The following SLC15A4 variants were observed in gnomAD, a reference collection of about 807,000 sequenced individuals.
SLC15A4 encodes solute carrier family 15 member 4.
A neutral mutation model predicts 46.1 loss-of-function variants in SLC15A4; 26 were observed. The ratio of observed to expected loss-of-function variants is 0.56; its 90% CI spans 0.41 to 0.78. The LOEUF is 0.78. SLC15A4 is among the 30% of genes least tolerant of loss of function. SLC15A4 has a pLI of 0.00. For synonymous variants in SLC15A4, 370 were observed against 333.4 expected, an observed-to-expected ratio of 1.11 and a Z score of -1.20; for missense variants, 751 against 755.7, an observed-to-expected ratio of 0.99 and a Z score of 0.07.
chr12:128,812,963 G>GT (rs1566054186), intron 2 of SLC15A4, among the ~76,000 whole-genome samples: 6 of 152,128 alleles, frequency 3.9e-5, no homozygotes, highest in Non-Finnish European at 2.9e-5. Context: ...CTAAGTAAAA[G>GT]TAACTCCAAA....
In SLC15A4 at chr12:128,809,462, T is replaced by A; in HGVS notation, c.1023A>T (p.Thr341=). Residue 341 remains threonine, a synonymous_variant, in exon 4 of 8, where the codon ACA becomes ACT. Coordinates refer to ENST00000266771, the MANE Select transcript of SLC15A4 (RefSeq NM_145648.4). ...TCAAATGAAGACTCTGTAAAACATA[T>A]GTTGTCTGCATCTAGGTATAAAAAA... ...YWTVYFQMQT[T]YVLQSLHLRI... 6.2e-7 allele frequency: 1 copy of A among 1,606,640 alleles called. No individual in the cohort carries two copies. The highest frequency in any genetic ancestry group is 8.5e-7 in the Non-Finnish European group (1 of 1,176,232).
At position 128,823,331 on chromosome 12, in the gene SLC15A4, G is replaced by C. The variant is rs1239365399; in HGVS notation, c.546+67C>G. On this transcript the variant is annotated intron_variant, in intron 1 of 7. Transcript: ENST00000266771. Reference sequence around the variant, plus strand: ...GCGGTCAGAGGCAGGGACTGGGGCAGGGGAAGAGGCTGGGGCTGGGCAGGG... The same window carrying C: ...GCGGTCAGAGGCAGGGACTGGGGCACGGGAAGAGGCTGGGGCTGGGCAGGG... The C allele has an allele frequency of 2.1e-5, 28 of 1,310,220 alleles. No individual in the cohort carries two copies. In the East Asian group the frequency reaches 8.4e-4, roughly 39 times the overall value. The allele number at this position is 1,310,220 out of a possible 1,614,324, so 81.2% of individuals were successfully genotyped here. A position where few individuals can be genotyped will look rare whatever the true frequency, so the allele number is the denominator to read the frequency against.
intron 1 of SLC15A4, among the ~76,000 whole-genome samples, chr12:128,816,815 G>C (rs1341756758): frequency 2.0e-5 from 3 of 152,136 alleles, no homozygotes; most frequent in Non-Finnish European, 4.4e-5. Context: ...AGCGACAGAG[G>C]CCCTGTCTCA....
chr12:128,806,277 C>T (rs1342472585), intron 5 of SLC15A4, among the ~76,000 whole-genome samples: 2 of 151,894 alleles, frequency 1.3e-5, no homozygotes, highest in Non-Finnish European at 2.9e-5. Context: ...AAACCATGAC[C>T]CACCTAAGAT....
chr12:128,803,322 G>A (rs975753818), intron 5 of SLC15A4, among the ~76,000 whole-genome samples: 3 of 152,166 alleles, frequency 2.0e-5, no homozygotes, highest in African/African-American at 7.2e-5. Flanking sequence ...ACCAAGAAGA[G>A]AGAAAAAGAA....
chr12:128,816,273 A>G (rs902802509), intron 1 of SLC15A4, among the ~76,000 whole-genome samples: 5 of 152,242 alleles, frequency 3.3e-5, no homozygotes, highest in African/African-American at 9.6e-5. Flanking sequence ...ACGTCTAAAT[A>G]AGATACTGTG....
chr12:128,821,265 C>T (rs1200169859), intron 1 of SLC15A4, among the ~76,000 whole-genome samples: 26 of 152,222 alleles, frequency 1.7e-4, no homozygotes. Flanking sequence ...CCATCCACTT[C>T]ACCCACCTCC....
In SLC15A4 at chr12:128,796,429, C is replaced by CAAAAAAAAAA. The variant is rs57014966; in HGVS notation, c.1574-2083_1574-2074dup. Among the ~76,000 whole-genome samples, 185 of 33,924 alleles carry CAAAAAAAAAA rather than the reference C, an allele frequency of 5.5e-3. 7 individuals carry two copies. The highest frequency in any genetic ancestry group is 0.017 in the South Asian group (8 of 478). 22.3% of individuals were successfully genotyped at this position (33,924 alleles called of 152,430 possible). A position where few individuals can be genotyped will look rare whatever the true frequency, so the allele number is the denominator to read the frequency against. ...GGGCAACAAACGTGAAACTCCATCTCAAAAAAAAAAAAAAAAAAAAAAAAA... is the reference window on the plus strand; with the variant it reads ...GGGCAACAAACGTGAAACTCCATCTCAAAAAAAAAAAAAAAAAAAAAAAAAAAAAAAAAAA... On this transcript the variant is annotated intron_variant, in intron 7 of 7. Coordinates refer to ENST00000266771, the MANE Select transcript of SLC15A4 (RefSeq NM_145648.4).
chr12:128,810,088 T>G lies in SLC15A4; in HGVS notation c.866A>C (p.Gln289Pro). The G allele has an allele frequency of 1.9e-6, 3 of 1,613,776 alleles. No homozygotes were observed. The highest frequency in any genetic ancestry group is 1.7e-6 in the Non-Finnish European group (2 of 1,179,936). ...ATCAAACAGACTTTGTTTAGAAGAT[T>G]GCTGAAAGACTCCAATGCCTTCACT... The part of the protein sequence containing the change: ...SNGEGIGVFQ[Q>P]SSKQSLFDSC... Residue 289 changes from glutamine (Q) to proline (P), a missense_variant, in exon 3 of 8, where the codon CAA becomes CCA. Coordinates refer to ENST00000266771, the MANE Select transcript of SLC15A4 (RefSeq NM_145648.4).
intron 1 of SLC15A4, among the ~76,000 whole-genome samples, chr12:128,822,319 TA>T (rs1156776733): frequency 6.6e-6 from 1 of 152,128 alleles, no homozygotes; most frequent in African/African-American, 2.4e-5. Flanking sequence ...ACCTAGCCCG[TA>T]ACTCCTTTAA....
chr12:128,793,835 G>A lies in SLC15A4; in HGVS notation c.*361C>T, dbSNP rs1176430958. ...CTATGGGAAGCAGGTGATACTATTT[G>A]TTTAAGAAACTGGGATGCCAACTAA... On this transcript the variant is annotated 3_prime_UTR_variant, in exon 8 of 8. Transcript: ENST00000266771. 3 of 171,844 alleles carry A rather than the reference G, an allele frequency of 1.7e-5. No individual in the cohort carries two copies. The highest frequency in any genetic ancestry group is 3.6e-5 in the Non-Finnish European group (3 of 82,462). 10.6% of individuals were successfully genotyped at this position (171,844 alleles called of 1,614,324 possible).
At chr12:128,800,792 G>C in intron 6 of SLC15A4, 62 bp downstream of exon 6, 1 of 1,510,104 alleles carries the variant, frequency 6.6e-7, no homozygotes, top group Non-Finnish European at 8.9e-7. Flanking sequence ...AGCACAGTCA[G>C]AATGCCCGAG....
intron 4 of SLC15A4, 111 bp from the exon 5 acceptor site, chr12:128,809,067 A>C (rs1955622684): frequency 1.0e-6 from 1 of 960,398 alleles, no homozygotes; most frequent in Admixed American, 2.6e-5. Context: ...GTTCCTCTCC[A>C]CAAGGTACAA....
chr12:128,815,045 G>A lies in SLC15A4; in HGVS notation c.572C>T (p.Thr191Ile). The A allele has an allele frequency of 6.2e-7, 1 of 1,610,558 alleles. No individual in the cohort carries two copies. Among genetic ancestry groups the A allele is most frequent in the East Asian group, 2.2e-5 (1 of 44,766 alleles). Residue 191 changes from threonine (T) to isoleucine (I), a missense_variant, in exon 2 of 8, where the codon ACT becomes ATT. Transcript: ENST00000266771. Reference sequence around the variant, plus strand: ...ATAAAACCAATTAAAAAATCTCCTAGTGGCTTCCGGACCTCGATCTTTAAC... The same window carrying A: ...ATAAAACCAATTAAAAAATCTCCTAATGGCTTCCGGACCTCGATCTTTAAC... ...DQVKDRGPEATRRFFNWFYWS... is the reference protein window; with the variant it reads ...DQVKDRGPEAIRRFFNWFYWS...
Position 128,814,895 on chromosome 12 carries a change from A to G in SLC15A4, c.722T>C (p.Leu241Pro), listed in dbSNP as rs767512302. Residue 241 changes from leucine (L) to proline (P), a missense_variant, in exon 2 of 8, where the codon CTC (leucine) becomes CCC (proline). By Grantham distance (98) the Leu-to-Pro change is moderately conservative. Coordinates refer to ENST00000266771, the MANE Select transcript of SLC15A4 (RefSeq NM_145648.4). ...VCVGLAFVVF[L>P]CGQSVFITKP... ...GGTGATGAAAACGCTCTGGCCACAG[A>G]GGAAGACCACAAAAGCAAGGCCGAC... 6.2e-7 allele frequency: 1 copy of G among 1,614,102 alleles called. No homozygotes were observed. Among genetic ancestry groups the G allele is most frequent in the Non-Finnish European group, 8.5e-7 (1 of 1,180,050 alleles).
At chr12:128,814,549 G>A (rs978546790) in intron 2 of SLC15A4, 4 of 524,204 alleles carry the variant, frequency 7.6e-6, no homozygotes, top group African/African-American at 3.8e-5. Context: ...GCAACGTGGG[G>A]TTAAAGCATG....
intron 2 of SLC15A4, 100 bp from the exon 3 acceptor site, chr12:128,810,211 T>C (rs747233261): frequency 8.8e-7 from 1 of 1,138,356 alleles, no homozygotes; most frequent in South Asian, 1.5e-5. Flanking sequence ...GCTCACTGTA[T>C]TGAATCTGCT....
chr12:128,796,638 G>A (rs896480478), intron 7 of SLC15A4, among the ~76,000 whole-genome samples: 1 of 151,972 alleles, frequency 6.6e-6, no homozygotes, highest in African/African-American at 2.4e-5. Context: ...CAACCCTTAC[G>A]ACCTACCAGG....
At chr12:128,822,187 G>A (rs564812366) in intron 1 of SLC15A4, among the ~76,000 whole-genome samples, 1 of 152,296 alleles carries the variant, frequency 6.6e-6, no homozygotes, top group South Asian at 2.1e-4. Flanking sequence ...TGGTGGCCAC[G>A]TCCTTGCCCC....
Sources: gnomAD v4.1 joint callset for allele counts (sites outside exome capture counted in the v4.1 genomes callset) on GRCh38, gnomAD v4.1.1 for gene constraint, MANE v1.5 for transcripts, NCBI Gene and HGNC (gene_info 2026-07-23, HGNC 2026-07-21) for gene names.